ZNF254: variants seen among roughly 807,000 people sequenced by gnomAD.
ZNF254 encodes the protein zinc finger protein 254.
A neutral mutation model predicts 12.4 loss-of-function variants in ZNF254; 10 were observed. The observed-to-expected ratio is 0.80, with a 90% confidence interval of 0.50 to 1.36. The LOEUF is 1.36. ZNF254 is among the 40% of genes most tolerant of loss of function. The pLI is 0.00. For missense variants in ZNF254, 996 were observed against 763.9 expected, an observed-to-expected ratio of 1.30 and a Z score of -3.58; for synonymous variants, 305 against 253.4, an observed-to-expected ratio of 1.20 and a Z score of -1.93.
rs1021224912 is a variant in ZNF254, at chr19:24,117,285, C to T, written c.254-8969C>T. Among the ~76,000 whole-genome samples the T allele has an allele frequency of 3.9e-5, 6 of 152,180 alleles. 1 individual carries two copies. Among genetic ancestry groups the T allele is most frequent in the Non-Finnish European group, 8.8e-5 (6 of 68,012 alleles). On this transcript the variant is annotated intron_variant, in intron 3 of 3. Transcript: ENST00000357002. Reference sequence around the variant, plus strand: ...TACTGCTGTCTTGTTTGTCTGTGCCCTGCCCCCAGAGGTGGAGCCTACAGA... The same window carrying T: ...TACTGCTGTCTTGTTTGTCTGTGCCTTGCCCCCAGAGGTGGAGCCTACAGA...
intron 1 of ZNF254, chr19:24,046,055 G>A (rs1458687668): frequency 6.8e-6 from 1 of 146,302 alleles, no homozygotes; most frequent in East Asian, 1.9e-4. Context: ...AAGCTGGTAG[G>A]AAACAGTATT....
upstream of ZNF254, among the ~76,000 whole-genome samples, chr19:24,086,685 C>T (rs879859835): frequency 6.9e-4 from 105 of 152,180 alleles, 7 homozygotes; most frequent in Middle Eastern, 3.4e-3. Context: ...CCATGATAGT[C>T]AGGCTGGTCT....
At chr19:24,055,232 A>AAAAAAAAAAAAAAACAAG (rs1555753129) in intron 2 of ZNF254, among the ~76,000 whole-genome samples, 1 of 122,542 alleles carries the variant, frequency 8.2e-6, no homozygotes, top group Non-Finnish European at 1.8e-5. Flanking sequence ...AAAAAAAAAA[A>AAAAAAAAAAAAAAACAAG]GAGTGTACTA....
At chr19:24,122,124 T>G (rs950499133) in intron 3 of ZNF254, among the ~76,000 whole-genome samples, 1 of 152,224 alleles carries the variant, frequency 6.6e-6, no homozygotes, top group Non-Finnish European at 1.5e-5. Context: ...AATATTCAGT[T>G]AAGTCACACT....
Position 24,126,682 on chromosome 19 carries a change from C to G in ZNF254, c.682C>G (p.His228Asp). ...TFNWSSTLTN[H>D]RKIYTEEKPY... is the part of the protein sequence containing the mutation. Reference sequence around the variant, plus strand: ...TAATTGGTCCTCAACCCTTACTAATCATAGGAAAATTTATACTGAAGAGAA... The same window carrying G: ...TAATTGGTCCTCAACCCTTACTAATGATAGGAAAATTTATACTGAAGAGAA... The change falls in exon 4 of 4, where the codon CAT becomes GAT. Residue 228 changes from histidine (H) to aspartate (D), a missense_variant. Physicochemically the swap from His to Asp is moderately conservative, Grantham distance 81 (BLOSUM62 -1). Coordinates refer to ENST00000357002, the MANE Select transcript of ZNF254 (RefSeq NM_203282.4). 1 of 1,613,252 alleles carries G rather than the reference C, an allele frequency of 6.2e-7. No homozygotes were observed. Among genetic ancestry groups the G allele is most frequent in the East Asian group, 2.2e-5 (1 of 44,814 alleles).
intron 2 of ZNF254, among the ~76,000 whole-genome samples, chr19:24,069,753 C>A (rs1311386967): frequency 6.6e-6 from 1 of 151,826 alleles, no homozygotes; most frequent in Non-Finnish European, 1.5e-5. Flanking sequence ...GAGATTGAGA[C>A]CATCCTGACT....
intron 2 of ZNF254, among the ~76,000 whole-genome samples, chr19:24,048,307 C>T (rs1410436060): frequency 6.6e-6 from 1 of 152,120 alleles, no homozygotes; most frequent in Non-Finnish European, 1.5e-5. Flanking sequence ...AATAAGTTTC[C>T]AACGGGGACA....
Position 24,105,950 on chromosome 19 carries a change from C to T in ZNF254, c.41C>T (p.Thr14Ile). 3.1e-6 allele frequency: 5 copies of T among 1,594,206 alleles called. No homozygotes were observed. Among genetic ancestry groups the T allele is most frequent in the Non-Finnish European group, 4.3e-6 (5 of 1,167,968 alleles). ...GTGTGTGTTTTCCAGGGACTGTTGA[C>T]ATTTAGGGATGTGGCCATAGAATTC... ...PPRSLEMGLL[T>I]FRDVAIEFSL... The change falls in exon 2 of 4, where the codon ACA becomes ATA. Residue 14 changes from threonine to isoleucine, a missense_variant. Transcript: ENST00000357002.
Position 24,128,404 on chromosome 19 carries a change from A to G in ZNF254, c.*424A>G, listed in dbSNP as rs978803842. 1 of 157,722 alleles carries G rather than the reference A, an allele frequency of 6.3e-6. No individual in the cohort carries two copies. The highest frequency in any genetic ancestry group is 2.4e-5 in the African/African-American group (1 of 41,638). 9.8% of individuals were successfully genotyped at this position (157,722 alleles called of 1,614,324 possible). On this transcript the variant is annotated 3_prime_UTR_variant, in exon 4 of 4. Coordinates refer to ENST00000357002, the MANE Select transcript of ZNF254 (RefSeq NM_203282.4). The stretch of plus-strand genomic sequence containing the variant: ...TCTAATTACTCTCAGAAGATCTGTC[A>G]GAAAGTATGTCTTTAAAGTATAGAA...
At chr19:24,050,698 C>G (rs1035065391) in intron 2 of ZNF254, among the ~76,000 whole-genome samples, 1 of 152,148 alleles carries the variant, frequency 6.6e-6, no homozygotes, top group Admixed American at 6.5e-5. Context: ...TGGGACCTGT[C>G]CACAGTAGGG....
At chr19:24,093,712 G>C (rs1012255170) in intron 1 of ZNF254, among the ~76,000 whole-genome samples, 41 of 152,132 alleles carry the variant, frequency 2.7e-4, no homozygotes, top group African/African-American at 9.7e-4. Flanking sequence ...TTTGAAGACA[G>C]GTAATGTAAT....
intron 1 of ZNF254, chr19:24,033,645 C>A: frequency 2.7e-6 from 1 of 368,326 alleles, no homozygotes. Context: ...GTTGGGCATC[C>A]CGAAAGGAGA....
At chr19:24,091,942 C>A in intron 1 of ZNF254, 1 of 523,344 alleles carries the variant, frequency 1.9e-6, no homozygotes, top group Non-Finnish European at 2.4e-6. Context: ...TGCAGAGGCG[C>A]AATCTCAGCT....
chr19:24,085,507 TA>T (rs1383524683), upstream of ZNF254, among the ~76,000 whole-genome samples: 1 of 144,440 alleles, frequency 6.9e-6, no homozygotes, highest in Non-Finnish European at 1.5e-5. Flanking sequence ...GTCACGTCTG[TA>T]ATCCCAACAC....
intron 2 of ZNF254, chr19:24,079,647 T>G (rs564861448): frequency 1.3e-5 from 2 of 152,354 alleles, no homozygotes; most frequent in South Asian, 4.1e-4. Flanking sequence ...CATGGCAGGA[T>G]CTGTACATTT....
At chr19:24,071,348 C>T (rs563983398) in intron 2 of ZNF254, among the ~76,000 whole-genome samples, 3 of 152,248 alleles carry the variant, frequency 2.0e-5, no homozygotes, top group Non-Finnish European at 4.4e-5. Flanking sequence ...TAGTGAATGT[C>T]CCTGGCCTAC....
chr19:24,061,150 C>A (rs1388511992), intron 2 of ZNF254, among the ~76,000 whole-genome samples: 1 of 151,616 alleles, frequency 6.6e-6, no homozygotes, highest in Non-Finnish European at 1.5e-5. Flanking sequence ...TTTGACATTT[C>A]ACTAGGTTCA....
rs766484656 is a variant in ZNF254 at position 24,087,906 on chromosome 19, GT to G, written c.30+587del. On this transcript the variant is annotated intron_variant, in intron 1 of 3. Coordinates refer to ENST00000357002, the MANE Select transcript of ZNF254 (RefSeq NM_203282.4). ...GCTAGGTACAGCAATCTAGGTTGTC[GT>G]TTTTTTTTTTTTTTTTTCTTTTTTT... is the stretch of plus-strand genomic sequence containing the variant. 6.9e-3 allele frequency among the ~76,000 whole-genome samples: 866 copies of G among 126,356 alleles called. 2 individuals are homozygous for G. The highest frequency in any genetic ancestry group is 0.022 in the African/African-American group (717 of 33,154). The allele number at this position is 126,356 out of a possible 152,430, so 82.9% of individuals were successfully genotyped here.
At position 24,128,125 on chromosome 19, in the gene ZNF254, C is replaced by T; in HGVS notation, c.*145C>T. The T allele has an allele frequency of 1.2e-6, 1 of 827,544 alleles. No individual in the cohort carries two copies. The highest frequency in any genetic ancestry group is 2.9e-5 in the East Asian group (1 of 34,212). 51.3% of individuals were successfully genotyped at this position (827,544 alleles called of 1,614,324 possible). A position where few individuals can be genotyped will look rare whatever the true frequency, so the allele number is the denominator to read the frequency against. On this transcript the variant is annotated 3_prime_UTR_variant, in exon 4 of 4. Transcript: ENST00000357002. The stretch of plus-strand genomic sequence containing the variant: ...AAGAAAATCATTCTGCTGAAAAATC[C>T]TAGAAATGTGAAGAATGTGAAAAAG...
Sources: allele counts gnomAD v4.1 joint callset (sites outside exome capture counted in the v4.1 genomes callset), GRCh38; gene constraint gnomAD v4.1.1; transcripts MANE v1.5; gene names NCBI Gene and HGNC (gene_info 2026-07-23, HGNC 2026-07-21).